GAS7: variants seen among roughly 807,000 people sequenced by gnomAD.
GAS7 encodes growth arrest specific 7.
GAS7 carries 28 observed loss-of-function variants against 71.1 expected under a neutral mutation model. That is an observed-to-expected ratio of 0.39 (90% CI 0.29 to 0.54). The LOEUF (loss-of-function observed/expected upper bound fraction) is 0.54. Among genes scored for constraint, GAS7 ranks in the 20% least tolerant of loss-of-function variants. GAS7 has a pLI of 0.62. For missense variants in GAS7, 436 were observed against 627.8 expected (o/e 0.69, Z 3.27); for synonymous variants, 258 against 245.8 (o/e 1.05, Z -0.46).
At position 9,915,232 on chromosome 17, in the gene GAS7, G is replaced by A. The variant is rs777865292; in HGVS notation, c.*1996C>T. On this transcript the variant is annotated 3_prime_UTR_variant, in exon 14 of 14. Coordinates refer to ENST00000432992, the MANE Select transcript of GAS7 (RefSeq NM_201433.2). ...GACTCTGGAATCCTCAGATGTAATG[G>A]AAAAGTCAATGAGCCATATTGTACT... 6 of 231,076 alleles carry A rather than the reference G, an allele frequency of 2.6e-5. No individual in the cohort carries two copies. The highest frequency in any genetic ancestry group is 5.1e-5 in the Non-Finnish European group (6 of 116,596). 14.3% of individuals were successfully genotyped at this position (231,076 alleles called of 1,614,324 possible). A position where few individuals can be genotyped will look rare whatever the true frequency, so the allele number is the denominator to read the frequency against.
intron 1 of GAS7, among the ~76,000 whole-genome samples, chr17:10,180,446 C>T (rs186612639): frequency 6.6e-6 from 1 of 152,232 alleles, no homozygotes; most frequent in East Asian, 1.9e-4. Flanking sequence ...AAACACCACG[C>T]TCATCACCAT....
In GAS7 at chr17:9,911,333, G is replaced by A. The variant is rs1425432841; in HGVS notation, c.*5895C>T. On this transcript the variant is annotated 3_prime_UTR_variant, in exon 14 of 14. Transcript: ENST00000432992. The surrounding 1 kb of genome is among the most constrained non-coding windows in gnomAD (Gnocchi z 4.0). ...TCCTGTGCTCTCCCCCTGCATAGCAGGCTTTCCCTCTAGGTCTCCCAGTCA... is the reference window on the plus strand; with the variant it reads ...TCCTGTGCTCTCCCCCTGCATAGCAAGCTTTCCCTCTAGGTCTCCCAGTCA... The A allele has an allele frequency of 4.3e-6, 1 of 233,404 alleles. No individual in the cohort carries two copies. Among genetic ancestry groups the A allele is most frequent in the Non-Finnish European group, 8.5e-6 (1 of 118,226 alleles). The allele number at this position is 233,404 out of a possible 1,614,324, so 14.5% of individuals were successfully genotyped here.
chr17:10,179,002 A>G (rs1199370602), intron 1 of GAS7, among the ~76,000 whole-genome samples: 1 of 151,982 alleles, frequency 6.6e-6, no homozygotes, highest in Non-Finnish European at 1.5e-5. Context: ...GAGAGAACCA[A>G]TGTCCCCTCT....
chr17:10,057,468 C>T (rs1282304421), intron 1 of GAS7, among the ~76,000 whole-genome samples: 6 of 149,732 alleles, frequency 4.0e-5, no homozygotes, highest in African/African-American at 1.2e-4. Flanking sequence ...AGGTGAGGAG[C>T]GTCTCTACCC....
rs185033838 is a variant in GAS7 at position 10,158,277 on chromosome 17, C to T, written c.183+39931G>A. ...ATCCACCCACCTCGGCCTCCCAAAG[C>T]GCTGGGATTACAGGCGTGAGCCACC... is the stretch of plus-strand genomic sequence containing the variant. On this transcript the variant is annotated intron_variant, in intron 1 of 13. Coordinates refer to ENST00000432992, the MANE Select transcript of GAS7 (RefSeq NM_201433.2). Among the ~76,000 whole-genome samples the T allele has an allele frequency of 2.7e-3, 395 of 148,850 alleles. 7 individuals are homozygous for T. In the South Asian group the frequency reaches 0.055, roughly 21 times the overall value.
chr17:10,124,175 TCCAACCAGC>T (rs1161658954), intron 1 of GAS7, among the ~76,000 whole-genome samples: 1 of 152,180 alleles, frequency 6.6e-6, no homozygotes, highest in Non-Finnish European at 1.5e-5. Context: ...GGCTCCCAGC[TCCAACCAGC>T]CCCTCGTGGC....
chr17:9,922,084 T>C (rs2067836686), intron 11 of GAS7, among the ~76,000 whole-genome samples: 2 of 152,170 alleles, frequency 1.3e-5, no homozygotes, highest in Admixed American at 6.5e-5. Flanking sequence ...GAGATAACGA[T>C]TGTACCTTTA....
rs551076396 is a variant in GAS7, at chr17:9,989,030, T to C, written c.305-7146A>G. Among the ~76,000 whole-genome samples the C allele has an allele frequency of 6.6e-5, 10 of 152,136 alleles. No homozygotes were observed. In the East Asian group the frequency reaches 1.4e-3, roughly 21 times the overall value. On this transcript the variant is annotated intron_variant, in intron 2 of 13. Coordinates refer to ENST00000432992, the MANE Select transcript of GAS7 (RefSeq NM_201433.2). ...CGCCCGGCTAATTTTTTTGTATTTT[T>C]AGTAGAGACAGGGTTTCACCGTGTT...
chr17:10,023,194 G>T (rs1295837769), intron 1 of GAS7, among the ~76,000 whole-genome samples: 5 of 152,214 alleles, frequency 3.3e-5, no homozygotes, highest in Non-Finnish European at 5.9e-5. Flanking sequence ...ATGTGGCAAA[G>T]ATGGTCTCCA....
intron 1 of GAS7, among the ~76,000 whole-genome samples, chr17:10,078,080 T>TGTGTGTGTGTG (rs1555531361): frequency 4.2e-4 from 56 of 134,120 alleles, no homozygotes; most frequent in African/African-American, 1.6e-3. Flanking sequence ...TGTGTGTGTG[T>TGTGTGTGTGTG]TTTGTTTTGT....
At chr17:10,040,045 G>A (rs187509222) in intron 1 of GAS7, among the ~76,000 whole-genome samples, 2 of 152,342 alleles carry the variant, frequency 1.3e-5, no homozygotes, top group African/African-American at 4.8e-5. Context: ...AGGAGTGGCT[G>A]TGAGGATCTT....
chr17:10,074,912 A>G (rs2152248575), intron 1 of GAS7, among the ~76,000 whole-genome samples: 1 of 152,012 alleles, frequency 6.6e-6, no homozygotes, highest in African/African-American at 2.4e-5. Context: ...ATATTGAAAT[A>G]TCAGAAAACT....
intron 2 of GAS7, among the ~76,000 whole-genome samples, chr17:9,994,944 T>C (rs1225998692): frequency 6.6e-6 from 1 of 152,224 alleles, no homozygotes; most frequent in Non-Finnish European, 1.5e-5. Context: ...CCCAGGTGTT[T>C]GGAGCTGACA....
chr17:10,148,927 G>A (rs201505950), intron 1 of GAS7, among the ~76,000 whole-genome samples: 7,803 of 93,108 alleles, frequency 0.084, 327 homozygotes, highest in Admixed American at 0.18. Context: ...AAAAAAAAAA[G>A]AATCCTCTCT....
In GAS7 at chr17:10,036,718, T is replaced by G. The variant is rs1212327487; in HGVS notation, c.184-16821A>C. 6 of 1,272,958 alleles carry G rather than the reference T, an allele frequency of 4.7e-6. No individual in the cohort carries two copies. In the East Asian group the frequency reaches 9.4e-5, roughly 20 times the overall value. 78.9% of individuals were successfully genotyped at this position (1,272,958 alleles called of 1,614,324 possible). On this transcript the variant is annotated intron_variant, in intron 1 of 13. Coordinates refer to ENST00000432992, the MANE Select transcript of GAS7 (RefSeq NM_201433.2). ...AGTGCTTGCTGGGAAATTAACAACT[T>G]GTTCTGGACTTTCCAGATGCAATGT...
intron 1 of GAS7, among the ~76,000 whole-genome samples, chr17:10,134,178 C>T (rs1341619873): frequency 6.6e-6 from 1 of 151,882 alleles, no homozygotes; most frequent in Non-Finnish European, 1.5e-5. Flanking sequence ...CTACAGGCAC[C>T]ATCCACCACG....
chr17:10,076,732 T>C (rs1189226832), intron 1 of GAS7, among the ~76,000 whole-genome samples: 1 of 152,164 alleles, frequency 6.6e-6, no homozygotes, highest in African/African-American at 2.4e-5. Context: ...TTGGAGAAAC[T>C]GTAGTTTCAG....
intron 1 of GAS7, among the ~76,000 whole-genome samples, chr17:10,130,579 A>G (rs2073989727): frequency 6.6e-6 from 1 of 152,242 alleles, no homozygotes; most frequent in Admixed American, 6.5e-5. Context: ...CTAAAGAGCC[A>G]AAAAGTAGAA....
chr17:9,941,527 A>G (rs2068603042), intron 7 of GAS7, among the ~76,000 whole-genome samples: 1 of 152,172 alleles, frequency 6.6e-6, no homozygotes, highest in Non-Finnish European at 1.5e-5. Context: ...CCCAATTCTG[A>G]GCCTCAGCTC....
Sources: gnomAD v4.1 joint callset for allele counts (sites outside exome capture counted in the v4.1 genomes callset) on GRCh38, gnomAD v4.1.1 for gene constraint, Gnocchi (gnomAD v3.1) non-coding constraint, MANE v1.5 for transcripts, NCBI Gene and HGNC (gene_info 2026-07-23, HGNC 2026-07-21) for gene names.